TMC7: variants seen among roughly 807,000 people sequenced by gnomAD.
The protein encoded by TMC7 is transmembrane channel like 7.
TMC7 carries 54 observed loss-of-function variants against 82.9 expected under a neutral mutation model. The observed-to-expected ratio is 0.65, with a 90% CI of 0.52 to 0.82. The LOEUF (loss-of-function observed/expected upper bound fraction) is 0.82. TMC7 is among the 40% of genes least tolerant of loss of function. TMC7 has a pLI of 0.00. For synonymous variants in TMC7, 350 were observed against 337.9 expected (o/e 1.04, Z -0.39); for missense variants, 820 against 901.2 (o/e 0.91, Z 1.15).
Position 19,016,561 on chromosome 16 carries a change from C to T in TMC7, c.423C>T (p.His141=). ...AGAAGGCTCGAGAGATGACGACCCACCTGGAGCTGTGGCGGGAGGACATCC... is the reference window on the plus strand; with the variant it reads ...AGAAGGCTCGAGAGATGACGACCCATCTGGAGCTGTGGCGGGAGGACATCC... ...FLEKAREMTT[H]LELWREDIRS... Residue 141 remains histidine, a synonymous_variant, in exon 3 of 16, where the codon CAC becomes CAT. Coordinates refer to ENST00000304381, the MANE Select transcript of TMC7 (RefSeq NM_024847.4). 1 of 1,614,076 alleles carries T rather than the reference C, an allele frequency of 6.2e-7. No individual in the cohort carries two copies. The highest frequency in any genetic ancestry group is 8.5e-7 in the Non-Finnish European group (1 of 1,180,028).
At chr16:19,009,933 TCCAGCTC>T in intron 2 of TMC7, among the ~76,000 whole-genome samples, 1 of 125,932 alleles carries the variant, frequency 7.9e-6, no homozygotes, top group Non-Finnish European at 1.6e-5. Context: ...AGAGTGAGAC[TCCAGCTC>T]AAAAAAAAAA....
chr16:18,990,399 AT>A (rs2038929502), intron 1 of TMC7, among the ~76,000 whole-genome samples: 1 of 152,106 alleles, frequency 6.6e-6, no homozygotes, highest in Non-Finnish European at 1.5e-5. Context: ...CGTTCAAGCA[AT>A]TTTTGTGCCT....
At chr16:19,012,721 G>A (rs1390188282) in intron 2 of TMC7, among the ~76,000 whole-genome samples, 36 of 138,116 alleles carry the variant, frequency 2.6e-4, no homozygotes, top group South Asian at 9.7e-4. Flanking sequence ...CCCAGGAGGC[G>A]GAGGTTGCAG....
Position 18,986,024 on chromosome 16 carries a change from C to T in TMC7, c.67+1894C>T, listed in dbSNP as rs138132530. Among the ~76,000 whole-genome samples the T allele has an allele frequency of 9.3e-3, 1,345 of 144,818 alleles. 18 individuals are homozygous for T. Among genetic ancestry groups the T allele is most frequent in the African/African-American group, 0.033 (1,281 of 39,160 alleles). On this transcript the variant is annotated intron_variant, in intron 1 of 15. Coordinates refer to ENST00000304381, the MANE Select transcript of TMC7 (RefSeq NM_024847.4). ...CTCCAGCCTGGGTGACAGAACTAGA[C>T]CCTGTCTCTAAAAAAAAAAGAAGAG...
chr16:19,059,471 C>T lies in TMC7; in HGVS notation c.2083C>T (p.Gln695Ter), dbSNP rs1454817529. ...LAGAHKRVVI[Q>*]LREQLSLESR... ...TGGAGCACACAAACGGGTGGTCATC[C>T]AGCTCCGAGAGCAGCTATCCCTGGT... is the stretch of plus-strand genomic sequence containing the variant. Residue 695 changes from glutamine to a stop codon, truncating the protein, a stop_gained, in exon 15 of 16, where the codon CAG becomes TAG. Coordinates refer to ENST00000304381, the MANE Select transcript of TMC7 (RefSeq NM_024847.4). LOFTEE classifies it high-confidence loss of function. The T allele has an allele frequency of 1.9e-6, 3 of 1,613,994 alleles. No individual in the cohort carries two copies. In the South Asian group the frequency reaches 3.3e-5, roughly 18 times the overall value.
chr16:18,998,466 G>A (rs112678270), intron 1 of TMC7, among the ~76,000 whole-genome samples: 2,811 of 151,018 alleles, frequency 0.019, 84 homozygotes, highest in African/African-American at 0.062. Flanking sequence ...ATGAAAAGCA[G>A]GGGCTTGGCT....
chr16:19,024,350 G>T (rs1437409142), intron 5 of TMC7, among the ~76,000 whole-genome samples: 4 of 152,092 alleles, frequency 2.6e-5, no homozygotes, highest in African/African-American at 9.7e-5. Flanking sequence ...GAGCCCAGAA[G>T]GTTGAGGCTG....
chr16:19,058,486 A>G (rs13338631), intron 14 of TMC7, among the ~76,000 whole-genome samples: 1,688 of 152,322 alleles, frequency 0.011, 32 homozygotes, highest in African/African-American at 0.039. Flanking sequence ...AATGGGCTAG[A>G]GAGCCTCCAC....
intron 1 of TMC7, among the ~76,000 whole-genome samples, chr16:19,007,891 G>T (rs916261239): frequency 2.0e-5 from 3 of 151,836 alleles, no homozygotes; most frequent in African/African-American, 7.3e-5. Flanking sequence ...GCGTGAGTAG[G>T]GCACTTGCCT....
rs546413369 is a variant in TMC7 at position 19,028,215 on chromosome 16, T to C, written c.712-2009T>C. 2.3e-4 allele frequency among the ~76,000 whole-genome samples: 35 copies of C among 152,252 alleles called. No individual in the cohort carries two copies. In the South Asian group the frequency reaches 7.3e-3, roughly 32 times the overall value. Reference sequence around the variant, plus strand: ...TTTTCCTGCCATCCAAGGAGGTGTTTGAGGTGTTCAATCATTCCCACCATA... The same window carrying C: ...TTTTCCTGCCATCCAAGGAGGTGTTCGAGGTGTTCAATCATTCCCACCATA... On this transcript the variant is annotated intron_variant, in intron 5 of 15. Coordinates refer to ENST00000304381, the MANE Select transcript of TMC7 (RefSeq NM_024847.4).
At chr16:19,042,178 C>T (rs907416483) in intron 9 of TMC7, among the ~76,000 whole-genome samples, 35 of 151,924 alleles carry the variant, frequency 2.3e-4, no homozygotes, top group Non-Finnish European at 4.9e-4. Context: ...CCATTCTTTT[C>T]TTTCCATTTT....
chr16:19,036,064 T>C (rs185417142), intron 7 of TMC7, among the ~76,000 whole-genome samples: 111 of 152,222 alleles, frequency 7.3e-4, no homozygotes, highest in African/African-American at 2.1e-3. Context: ...GGGGATGCAG[T>C]GGCTGGAAGA....
chr16:19,050,533 G>C (rs559561453), intron 12 of TMC7, among the ~76,000 whole-genome samples: 1 of 151,916 alleles, frequency 6.6e-6, no homozygotes, highest in Admixed American at 6.6e-5. Flanking sequence ...CCCAGACTTA[G>C]GGCAGTGGCA....
chr16:18,990,709 G>C (rs2038935898), intron 1 of TMC7, among the ~76,000 whole-genome samples: 1 of 152,154 alleles, frequency 6.6e-6, no homozygotes, highest in Non-Finnish European at 1.5e-5. Flanking sequence ...CGGGGCAGGA[G>C]GTGGATCTCA....
At chr16:19,030,904 A>T (rs1960487053) in intron 6 of TMC7, among the ~76,000 whole-genome samples, 1 of 151,986 alleles carries the variant, frequency 6.6e-6, no homozygotes, top group Non-Finnish European at 1.5e-5. Flanking sequence ...TACTGAACAC[A>T]TCTGGCAATC....
At chr16:19,048,493 C>G (rs1961388307) in intron 12 of TMC7, among the ~76,000 whole-genome samples, 1 of 152,100 alleles carries the variant, frequency 6.6e-6, no homozygotes, top group South Asian at 2.1e-4. Flanking sequence ...ATGATCTTGA[C>G]TCACGGCAAC....
Position 19,009,181 on chromosome 16 carries a change from C to T in TMC7, c.77C>T (p.Ser26Phe), listed in dbSNP as rs1394484324. The T allele has an allele frequency of 1.2e-6, 2 of 1,613,948 alleles. No individual in the cohort carries two copies. Among genetic ancestry groups the T allele is most frequent in the South Asian group, 2.2e-5 (2 of 91,064 alleles). Residue 26 changes from serine to phenylalanine, a missense_variant, in exon 2 of 16, where the codon TCT (serine) becomes TTT (phenylalanine). Ser to Phe is a radical substitution (Grantham distance 155, BLOSUM62 -2). Transcript: ENST00000304381. ...CTTTTCTTTTACATAGAGAACCTCT[C>T]TCTAGACTCCAGTTGCTTCTCTTCT... ...RQPAVHPENLSLDSSCFSSPP... is the reference protein window; with the variant it reads ...RQPAVHPENLFLDSSCFSSPP...
rs1049580066 is a variant in TMC7, at chr16:18,994,096, G to A, written c.67+9966G>A. 6.6e-5 allele frequency among the ~76,000 whole-genome samples: 10 copies of A among 152,226 alleles called. No individual in the cohort carries two copies. In the East Asian group the frequency reaches 1.2e-3, roughly 18 times the overall value. On this transcript the variant is annotated intron_variant, in intron 1 of 15. Coordinates refer to ENST00000304381, the MANE Select transcript of TMC7 (RefSeq NM_024847.4). ...GGTATCTGGAATAATGTGGGAGGCT[G>A]GATTGAAGTCCAGGCCAGGAACAAT...
At chr16:19,042,563 A>G (rs1038539500) in intron 9 of TMC7, among the ~76,000 whole-genome samples, 1 of 148,344 alleles carries the variant, frequency 6.7e-6, no homozygotes, top group Non-Finnish European at 1.5e-5. Flanking sequence ...GCTGGAATGC[A>G]GTGGCTCGAT....
Sources: allele counts gnomAD v4.1 joint callset (sites outside exome capture counted in the v4.1 genomes callset), GRCh38; gene constraint gnomAD v4.1.1; transcripts MANE v1.5; gene names NCBI Gene and HGNC (gene_info 2026-07-23, HGNC 2026-07-21).